The following KCNH7 variants were observed in gnomAD, a reference collection of about 807,000 sequenced individuals.
KCNH7 encodes the protein voltage-gated inwardly rectifying potassium channel KCNH7.
Under a neutral mutation model 120.8 loss-of-function variants are expected in KCNH7, and 49 were observed. That is an observed-to-expected ratio of 0.41 (90% CI 0.32 to 0.51). KCNH7 has a LOEUF of 0.51. Among genes scored for constraint, KCNH7 ranks in the 20% least tolerant of loss-of-function variants. The probability of loss-of-function intolerance (pLI) is 0.38; values close to 1 mark genes in which losing one functional copy is unlikely to be tolerated. For missense variants in KCNH7, 1,097 were observed against 1,446.6 expected (o/e 0.76, Z 3.92); for synonymous variants, 547 against 516.1 (o/e 1.06, Z -0.81).
In KCNH7 at chr2:162,836,628, G is replaced by C. The variant is rs374582778; in HGVS notation, c.216C>G (p.Pro72=). The change falls in exon 2 of 16, where the codon CCC becomes CCG. Residue 72 remains proline (P), a synonymous_variant. Transcript: ENST00000332142. ...KPCTCDFLHG[P]ETKRHDIAQI... ...GGGCAATATCATGCCTCTTGGTCTC[G>C]GGTCCATGGAGAAAGTCGCAGGTGC... is the stretch of plus-strand genomic sequence containing the variant. 6.2e-7 allele frequency: 1 copy of C among 1,614,056 alleles called. No homozygotes were observed. The highest frequency in any genetic ancestry group is 2.2e-5 in the East Asian group (1 of 44,866).
chr2:162,543,406 T>G (rs1692379021), intron 2 of KCNH7, among the ~76,000 whole-genome samples: 1 of 152,044 alleles, frequency 6.6e-6, no homozygotes, highest in South Asian at 2.1e-4. Context: ...AGGATGACCC[T>G]TTCAGAATTT....
chr2:162,538,221 AT>A (rs1692177199), intron 2 of KCNH7: 1 of 151,996 alleles, frequency 6.6e-6, no homozygotes, highest in Non-Finnish European at 1.5e-5. Flanking sequence ...AGCATATTTT[AT>A]TTACTTATTA....
chr2:162,454,629 G>A (rs1688895111), intron 6 of KCNH7, among the ~76,000 whole-genome samples: 1 of 151,988 alleles, frequency 6.6e-6, no homozygotes, highest in African/African-American at 2.4e-5. Context: ...TTATTTTCTT[G>A]AGCAGTGATT....
chr2:162,720,778 G>T (rs549636643), intron 2 of KCNH7, among the ~76,000 whole-genome samples: 1 of 152,026 alleles, frequency 6.6e-6, no homozygotes, highest in African/African-American at 2.4e-5. Context: ...ATTGTGGTAG[G>T]TGTAGAAACC....
In KCNH7 at chr2:162,707,992, C is replaced by T. The variant is rs574419650; in HGVS notation, c.307+128545G>A. The stretch of plus-strand genomic sequence containing the variant: ...CTGATCTTCTTAAAATTATAACCTC[C>T]CCATCTACTTCCCATTTCTCTTGCC... On this transcript the variant is annotated intron_variant, in intron 2 of 15. Transcript: ENST00000332142. 2.0e-5 allele frequency among the ~76,000 whole-genome samples: 3 copies of T among 151,990 alleles called. No individual in the cohort carries two copies. The South Asian group carries it at 6.3e-4, about 32-fold the overall frequency.
chr2:162,582,514 G>A (rs748034676), intron 2 of KCNH7, among the ~76,000 whole-genome samples: 59 of 152,026 alleles, frequency 3.9e-4, no homozygotes, highest in Non-Finnish European at 5.4e-4. Context: ...ACAAGGCCGG[G>A]AACATACAGC....
intron 8 of KCNH7, among the ~76,000 whole-genome samples, chr2:162,431,993 G>T (rs773254511): frequency 2.6e-5 from 4 of 151,878 alleles, no homozygotes; most frequent in Non-Finnish European, 5.9e-5. Context: ...AAGTGGTGTG[G>T]ATTACTGAGT....
In KCNH7 at chr2:162,619,167, G is replaced by A. The variant is rs141132758; in HGVS notation, c.308-82087C>T. On this transcript the variant is annotated intron_variant, in intron 2 of 15. Transcript: ENST00000332142. ...GTGCTAGGCTATTCAGCCACTAACCGTGGAAATGCATGGTTACTAACTAAG... is the reference window on the plus strand; with the variant it reads ...GTGCTAGGCTATTCAGCCACTAACCATGGAAATGCATGGTTACTAACTAAG... Among the ~76,000 whole-genome samples, 146 of 152,104 alleles carry A rather than the reference G, an allele frequency of 9.6e-4. 3 individuals are homozygous for A. The highest frequency in any genetic ancestry group is 3.3e-3 in the African/African-American group (139 of 41,528).
chr2:162,691,443 C>A (rs1686098313), intron 2 of KCNH7, among the ~76,000 whole-genome samples: 1 of 152,086 alleles, frequency 6.6e-6, no homozygotes, highest in Non-Finnish European at 1.5e-5. Context: ...CATTGTTCAG[C>A]AGGTAGGGTA....
intron 2 of KCNH7, among the ~76,000 whole-genome samples, chr2:162,542,173 T>A (rs537778940): frequency 6.6e-6 from 1 of 151,910 alleles, no homozygotes; most frequent in Admixed American, 6.6e-5. Flanking sequence ...TTTTTTTTAC[T>A]ATTTACTTAG....
chr2:162,546,602 A>T (rs751182174), intron 2 of KCNH7, among the ~76,000 whole-genome samples: 2 of 152,186 alleles, frequency 1.3e-5, no homozygotes, highest in Non-Finnish European at 2.9e-5. Context: ...GAGGCTGTGA[A>T]TGGTGACATG....
At chr2:162,542,712 C>T (rs949328054) in intron 2 of KCNH7, among the ~76,000 whole-genome samples, 3 of 151,778 alleles carry the variant, frequency 2.0e-5, no homozygotes, top group East Asian at 1.9e-4. Flanking sequence ...AATAAACATA[C>T]GTGTGCATGT....
intron 2 of KCNH7, among the ~76,000 whole-genome samples, chr2:162,653,978 A>C (rs559046357): frequency 1.3e-5 from 2 of 152,250 alleles, no homozygotes; most frequent in African/African-American, 4.8e-5. Flanking sequence ...AATCAACACC[A>C]TATACAAAAA....
At position 162,396,840 on chromosome 2, in the gene KCNH7, C is replaced by T; in HGVS notation, c.2513G>A (p.Arg838Gln). The T allele has an allele frequency of 6.2e-7, 1 of 1,611,814 alleles. No homozygotes were observed. The highest frequency in any genetic ancestry group is 8.5e-7 in the Non-Finnish European group (1 of 1,178,674). ...ATCCAAAACCTCTAACAAGTCTTCT[C>T]GCTGAATCTTATGCAAGTCACAGTA... ...LTYCDLHKIQREDLLEVLDMY... is the reference protein window; with the variant it reads ...LTYCDLHKIQQEDLLEVLDMY... The change falls in exon 11 of 16, where the codon CGA (arginine) becomes CAA (glutamine). Residue 838 changes from arginine (R) to glutamine (Q), a missense_variant. Physicochemically the swap from Arg to Gln is conservative, Grantham distance 43. Around this residue, in one of 8 missense-constraint regions of KCNH7, gnomAD observed 101 missense variants for 176.3 expected, o/e 0.57. Transcript: ENST00000332142.
intron 2 of KCNH7, among the ~76,000 whole-genome samples, chr2:162,599,997 C>A (rs947906625): frequency 2.2e-4 from 33 of 152,020 alleles, no homozygotes; most frequent in African/African-American, 7.7e-4. Flanking sequence ...AACTCAATTT[C>A]ATTTGTTTGT....
chr2:162,539,042 T>C (rs1366469666), intron 2 of KCNH7, among the ~76,000 whole-genome samples: 1 of 152,120 alleles, frequency 6.6e-6, no homozygotes, highest in Non-Finnish European at 1.5e-5. Context: ...GCACCTTCAG[T>C]CTTCAGCTTC....
intron 2 of KCNH7, among the ~76,000 whole-genome samples, chr2:162,828,250 T>C (rs1280914617): frequency 6.6e-6 from 1 of 152,154 alleles, no homozygotes; most frequent in Non-Finnish European, 1.5e-5. Context: ...TAAGATTATG[T>C]TACAACATGT....
intron 6 of KCNH7, among the ~76,000 whole-genome samples, chr2:162,461,408 C>T (rs1189735343): frequency 6.6e-6 from 1 of 152,184 alleles, no homozygotes; most frequent in Non-Finnish European, 1.5e-5. Context: ...TATAGTTCCA[C>T]ATATAGTCCC....
At chr2:162,656,386 G>T (rs1037065601) in intron 2 of KCNH7, among the ~76,000 whole-genome samples, 11 of 152,166 alleles carry the variant, frequency 7.2e-5, no homozygotes, top group African/African-American at 2.7e-4. Flanking sequence ...AGGAGTAAGG[G>T]TATAGAAATG....
Sources: allele counts gnomAD v4.1 joint callset (sites outside exome capture counted in the v4.1 genomes callset), GRCh38; gene constraint gnomAD v4.1.1; regional missense constraint gnomAD v4.1.1; transcripts MANE v1.5; gene names NCBI Gene and HGNC (gene_info 2026-07-23, HGNC 2026-07-21).